ANO4: variants seen among roughly 807,000 people sequenced by gnomAD.
ANO4 encodes anoctamin 4.
A neutral mutation model predicts 141.9 loss-of-function variants in ANO4; 69 were observed. That is an observed-to-expected ratio of 0.49 (90% CI 0.40 to 0.59). The LOEUF is 0.59. Among genes scored for constraint, ANO4 ranks in the 20% least tolerant of loss-of-function variants. The pLI, the probability that ANO4 is intolerant of heterozygous loss-of-function variation, is 0.00. For missense variants in ANO4, 894 were observed against 1,162.2 expected, an observed-to-expected ratio of 0.77 and a Z score of 3.36; for synonymous variants, 350 against 394.3, an observed-to-expected ratio of 0.89 and a Z score of 1.33.
intron 1 of ANO4, among the ~76,000 whole-genome samples, chr12:100,842,901 G>A (rs1399037519): frequency 6.6e-6 from 1 of 152,082 alleles, no homozygotes; most frequent in East Asian, 1.9e-4. Flanking sequence ...CAAGACTTTT[G>A]GAGGGGACAC....
chr12:101,110,191 G>A (rs191161045), intron 22 of ANO4, among the ~76,000 whole-genome samples: 1 of 152,224 alleles, frequency 6.6e-6, no homozygotes, highest in Admixed American at 6.5e-5. Context: ...TGGATCCTAG[G>A]TGTGCTCATA....
At chr12:100,931,805 TA>T (rs1432041468) in intron 3 of ANO4, among the ~76,000 whole-genome samples, 1 of 152,140 alleles carries the variant, frequency 6.6e-6, no homozygotes, top group Non-Finnish European at 1.5e-5. Flanking sequence ...TTATTTATCT[TA>T]AAATGCATAT....
chr12:101,075,082 G>T (rs1423634666), intron 14 of ANO4, among the ~76,000 whole-genome samples: 1 of 152,182 alleles, frequency 6.6e-6, no homozygotes, highest in African/African-American at 2.4e-5. Flanking sequence ...CTCAGCATGG[G>T]TGCACAGGGA....
intron 22 of ANO4, among the ~76,000 whole-genome samples, chr12:101,105,474 G>A (rs986405242): frequency 1.3e-5 from 2 of 152,204 alleles, no homozygotes; most frequent in Non-Finnish European, 2.9e-5. Context: ...CTCACAGATG[G>A]TTAAAAAAGA....
chr12:101,036,094 A>G (rs548871842), intron 9 of ANO4, among the ~76,000 whole-genome samples: 41 of 152,332 alleles, frequency 2.7e-4, no homozygotes, highest in Middle Eastern at 3.4e-3. Flanking sequence ...GCCAACAGGT[A>G]TATGAAAAGG....
intron 1 of ANO4, among the ~76,000 whole-genome samples, chr12:100,834,724 G>A (rs2036813335): frequency 2.6e-5 from 4 of 152,008 alleles, no homozygotes; most frequent in Admixed American, 2.0e-4. Context: ...GACATGGCAG[G>A]GCAATAGAAA....
intron 14 of ANO4, among the ~76,000 whole-genome samples, chr12:101,062,973 G>C (rs1246132326): frequency 2.0e-5 from 3 of 152,234 alleles, no homozygotes; most frequent in African/African-American, 7.2e-5. Flanking sequence ...CTGCCCAAAA[G>C]GCTGCCCAGC....
At chr12:100,873,230 G>A (rs2039121490) in intron 1 of ANO4, among the ~76,000 whole-genome samples, 1 of 152,194 alleles carries the variant, frequency 6.6e-6, no homozygotes, top group African/African-American at 2.4e-5. Context: ...CTGGGAGTGG[G>A]CATTTCTGCA....
In ANO4 at chr12:100,742,543, A is replaced by G. The variant is rs533258589; in HGVS notation, c.358+2438A>G. 1.9e-4 allele frequency among the ~76,000 whole-genome samples: 29 copies of G among 152,322 alleles called. 1 individual carries two copies. In the South Asian group the frequency reaches 5.8e-3, roughly 30 times the overall value. The stretch of plus-strand genomic sequence containing the variant: ...AGACATCCCTTCACAATTCTAAGCT[A>G]TCTCTCTTCTCTATAAACTTTTGGA... On this transcript the variant is annotated intron_variant, in intron 3 of 29. Coordinates refer to the ANO4 transcript ENST00000644049.
In ANO4 at chr12:100,823,062, T is replaced by A. The variant is rs79578853; in HGVS notation, c.-141+28035T>A. On this transcript the variant is annotated intron_variant, in intron 1 of 27. Coordinates refer to ENST00000392977, the MANE Select transcript of ANO4 (RefSeq NM_001286615.2). ...GTATTTCTGAAAAAAAATCAGATATTTACAGATAATGAATAACACCACAAA... is the reference window on the plus strand; with the variant it reads ...GTATTTCTGAAAAAAAATCAGATATATACAGATAATGAATAACACCACAAA... Among the ~76,000 whole-genome samples the A allele has an allele frequency of 4.6e-3, 699 of 152,126 alleles. 15 individuals carry two copies. Among genetic ancestry groups the A allele is most frequent in the Admixed American group, 0.031 (467 of 15,268 alleles).
At chr12:101,037,287 G>T in intron 10 of ANO4, 137 bp downstream of exon 10, 1 of 817,598 alleles carries the variant, frequency 1.2e-6, no homozygotes, top group Non-Finnish European at 2.0e-6. Flanking sequence ...ATTAGGGAGG[G>T]TCTACTTCAA....
intron 1 of ANO4, among the ~76,000 whole-genome samples, chr12:100,723,809 G>A (rs1260141745): frequency 6.6e-6 from 1 of 151,976 alleles, no homozygotes; most frequent in Non-Finnish European, 1.5e-5. Context: ...ATCACACTGG[G>A]GGTTAGTGAG....
chr12:101,077,902 A>T (rs902823628), intron 14 of ANO4, among the ~76,000 whole-genome samples: 1 of 152,120 alleles, frequency 6.6e-6, no homozygotes, highest in African/African-American at 2.4e-5. Flanking sequence ...TCTTTTGCTT[A>T]TCCGGAAATT....
intron 8 of ANO4, among the ~76,000 whole-genome samples, 173 bp from the exon 9 acceptor site, chr12:101,019,861 A>G (rs560228294): frequency 2.4e-4 from 37 of 152,246 alleles, no homozygotes; most frequent in African/African-American, 7.9e-4. Context: ...AACTACTCAT[A>G]CCTATGAGCC....
chr12:100,720,492 G>C (rs936989350), intron 1 of ANO4, among the ~76,000 whole-genome samples: 3 of 151,698 alleles, frequency 2.0e-5, no homozygotes, highest in Non-Finnish European at 4.4e-5. Context: ...AGAGCAGAGA[G>C]AGCAAGCAGA....
intron 1 of ANO4, among the ~76,000 whole-genome samples, chr12:100,824,744 C>G (rs760971651): frequency 6.6e-6 from 1 of 152,008 alleles, no homozygotes; most frequent in Non-Finnish European, 1.5e-5. Flanking sequence ...ATGTTTACTT[C>G]GCAGAGGAAA....
chr12:101,066,737 G>A, intron 14 of ANO4: 1 of 838,856 alleles, frequency 1.2e-6, no homozygotes, highest in Non-Finnish European at 2.1e-6. Context: ...CGTTGCCATG[G>A]CCACAGTTCC....
intron 14 of ANO4, chr12:101,066,589 C>G (rs943808951): frequency 4.1e-6 from 2 of 493,752 alleles, no homozygotes; most frequent in East Asian, 3.3e-5. Flanking sequence ...AGAACACTGA[C>G]GAAAGAAATG....
chr12:100,980,183 G>C lies in ANO4; in HGVS notation c.602+5294G>C, dbSNP rs566285774. 9.8e-5 allele frequency among the ~76,000 whole-genome samples: 15 copies of C among 152,312 alleles called. No homozygotes were observed. The South Asian group carries it at 2.7e-3, about 27-fold the overall frequency. On this transcript the variant is annotated intron_variant, in intron 7 of 27. Coordinates refer to ENST00000392977, the MANE Select transcript of ANO4 (RefSeq NM_001286615.2). Reference sequence around the variant, plus strand: ...AAGGTACTGGAAGACTCTGGGCCAAGCTAAAGGAAAAAGAAATCCCAACGA... The same window carrying C: ...AAGGTACTGGAAGACTCTGGGCCAACCTAAAGGAAAAAGAAATCCCAACGA...
Sources: gnomAD v4.1 joint callset for allele counts (sites outside exome capture counted in the v4.1 genomes callset) on GRCh38, gnomAD v4.1.1 for gene constraint, MANE v1.5 for transcripts, NCBI Gene and HGNC (gene_info 2026-07-23, HGNC 2026-07-21) for gene names.